The following ERCC6 variants were observed in gnomAD, a reference collection of about 807,000 sequenced individuals.
ERCC6 encodes the protein DNA excision repair protein ERCC-6.
In ERCC6, 116 loss-of-function variants were observed where a neutral mutation model predicts 158.7. The observed-to-expected ratio is 0.73, with a 90% CI of 0.63 to 0.85. ERCC6 has a LOEUF of 0.85. Among genes scored for constraint, ERCC6 ranks in the 40% least tolerant of loss-of-function variants. ERCC6 has a pLI of 0.00. For missense variants in ERCC6, 1,698 were observed against 1,799.4 expected (o/e 0.94, Z 1.02); for synonymous variants, 678 against 659.3 (o/e 1.03, Z -0.43).
the ERCC6 span, among the ~76,000 whole-genome samples, chr10:49,438,788 T>G: frequency 1.3e-5 from 2 of 152,144 alleles, no homozygotes; most frequent in Admixed American, 6.5e-5. Context: ...AGGTATTGGG[T>G]AAATACAGCC....
intron 5 of ERCC6, among the ~76,000 whole-genome samples, chr10:49,510,143 G>A (rs1851508922): frequency 6.6e-6 from 1 of 152,164 alleles, no homozygotes; most frequent in South Asian, 2.1e-4. Flanking sequence ...TCATCTGTCA[G>A]AAGCAACTCA....
At chr10:49,472,268 C>T in intron 16 of ERCC6, 108 bp downstream of exon 16, 1 of 973,446 alleles carries the variant, frequency 1.0e-6, no homozygotes, top group East Asian at 2.4e-5. Context: ...TAAGTTATAG[C>T]AACTATTATT....
downstream of ERCC6, among the ~76,000 whole-genome samples, chr10:49,450,493 A>G (rs957206231): frequency 6.6e-5 from 10 of 152,104 alleles, no homozygotes; most frequent in African/African-American, 1.9e-4. Context: ...GTCCCTTGAA[A>G]TTTCATATAA....
At chr10:49,537,653 T>A (rs1231783573) in intron 1 of ERCC6, among the ~76,000 whole-genome samples, 1 of 151,950 alleles carries the variant, frequency 6.6e-6, no homozygotes, top group African/African-American at 2.4e-5. Context: ...TCTGATAAAG[T>A]GACATCTGAT....
chr10:49,449,408 C>T (rs971250196), downstream of ERCC6, among the ~76,000 whole-genome samples: 2 of 152,040 alleles, frequency 1.3e-5, no homozygotes, highest in African/African-American at 4.8e-5. Flanking sequence ...CTTCAAAGCA[C>T]AAAAGCTTTA....
intron 8 of ERCC6, among the ~76,000 whole-genome samples, chr10:49,490,991 T>C (rs913602345): frequency 1.3e-5 from 2 of 152,198 alleles, no homozygotes; most frequent in African/African-American, 4.8e-5. Flanking sequence ...ACATAGACTC[T>C]ATTGTAATTT....
intron 18 of ERCC6, among the ~76,000 whole-genome samples, chr10:49,466,809 C>A (rs528506488): frequency 6.6e-6 from 1 of 152,140 alleles, no homozygotes; most frequent in Non-Finnish European, 1.5e-5. Context: ...TTTTTTGAGA[C>A]GGAGTCTTGC....
At chr10:49,464,742 T>G (rs1426618512) in intron 18 of ERCC6, among the ~76,000 whole-genome samples, 1 of 152,218 alleles carries the variant, frequency 6.6e-6, no homozygotes. Context: ...CTTCAGATGG[T>G]GCAAGCCCCA....
intron 18 of ERCC6, among the ~76,000 whole-genome samples, chr10:49,465,698 T>C (rs953092758): frequency 2.0e-5 from 3 of 152,200 alleles, no homozygotes; most frequent in Non-Finnish European, 4.4e-5. Flanking sequence ...TGAGATCTGA[T>C]GGTTTTAAAA....
chr10:49,447,714 AG>A, the ERCC6 span, among the ~76,000 whole-genome samples: 2 of 145,768 alleles, frequency 1.4e-5, no homozygotes, highest in African/African-American at 5.0e-5. Flanking sequence ...AAAAAAAAAA[AG>A]AAAGAAAGAA....
chr10:49,531,136 A>T (rs1837459689), intron 2 of ERCC6, among the ~76,000 whole-genome samples: 1 of 152,184 alleles, frequency 6.6e-6, no homozygotes, highest in Non-Finnish European at 1.5e-5. Context: ...TATTCAACAC[A>T]CTATGCTAGA....
intron 18 of ERCC6, among the ~76,000 whole-genome samples, chr10:49,464,181 G>A (rs1285883775): frequency 6.6e-6 from 1 of 152,208 alleles, no homozygotes; most frequent in East Asian, 1.9e-4. Flanking sequence ...GGTCTCAGAC[G>A]GAGATGAGGA....
intron 8 of ERCC6, among the ~76,000 whole-genome samples, chr10:49,485,549 G>C (rs1851062502): frequency 6.6e-6 from 1 of 152,086 alleles, no homozygotes; most frequent in African/African-American, 2.4e-5. Context: ...TTCCTGTTCA[G>C]TTTCATAAAA....
At position 49,516,659 on chromosome 10, in the gene ERCC6, G is replaced by A. The variant is rs373174504; in HGVS notation, c.1397+7374C>T. On this transcript the variant is annotated intron_variant, in intron 5 of 20. Coordinates refer to ENST00000355832, the MANE Select transcript of ERCC6 (RefSeq NM_000124.4). The stretch of plus-strand genomic sequence containing the variant: ...ACTTGACAATGAGTTCAATGACCTC[G>A]TCATCAAGAAAAAGTTCAAGAATTT... 5.0e-6 allele frequency: 8 copies of A among 1,614,106 alleles called. No homozygotes were observed. Among genetic ancestry groups the A allele is most frequent in the African/African-American group, 1.3e-5 (1 of 75,008 alleles).
intron 8 of ERCC6, among the ~76,000 whole-genome samples, chr10:49,490,506 C>CA (rs1344729124): frequency 1.3e-5 from 2 of 152,090 alleles, no homozygotes; most frequent in African/African-American, 4.8e-5. Context: ...AGGCGTGTGC[C>CA]ACCACAACCA....
chr10:49,475,957 C>T lies in ERCC6; in HGVS notation c.2382+258G>A, dbSNP rs757553499. On this transcript the variant is annotated intron_variant, in intron 12 of 20. Transcript: ENST00000355832. ...CGGAAGTAACAGTAACTGCACAGCT[C>T]GCAGCTGCATTTGCGTCTGGGTTCA... is the stretch of plus-strand genomic sequence containing the variant. Among the ~76,000 whole-genome samples, 7 of 152,290 alleles carry T rather than the reference C, an allele frequency of 4.6e-5. No individual in the cohort carries two copies. The East Asian group carries it at 1.2e-3, about 25-fold the overall frequency.
intron 7 of ERCC6, among the ~76,000 whole-genome samples, chr10:49,497,152 C>G (rs1251591801): frequency 6.6e-6 from 1 of 152,208 alleles, no homozygotes. Flanking sequence ...TGCTCCTCAC[C>G]AAGGCAGGGC....
At position 49,470,196 on chromosome 10, in the gene ERCC6, A is replaced by C. The variant is rs1464826740; in HGVS notation, c.3764T>G (p.Leu1255Arg). Residue 1255 changes from leucine (L) to arginine (R), a missense_variant, in exon 18 of 21, where the codon CTT (leucine) becomes CGT (arginine). By Grantham distance (102) the Leu-to-Arg change is moderately radical. Coordinates refer to ENST00000355832, the MANE Select transcript of ERCC6 (RefSeq NM_000124.4). ...AAATGGATTACCTGATTTTTTGAAAAGCTTTTCCAAAACATAATCGTCATT... is the reference window on the plus strand; with the variant it reads ...AAATGGATTACCTGATTTTTTGAAACGCTTTTCCAAAACATAATCGTCATT... Reference protein sequence around the residue: ...QSNDDYVLEKLFKKSVGVHSV... With the variant: ...QSNDDYVLEKRFKKSVGVHSV... 1 of 1,614,128 alleles carries C rather than the reference A, an allele frequency of 6.2e-7. No homozygotes were observed. Among genetic ancestry groups the C allele is most frequent in the Non-Finnish European group, 8.5e-7 (1 of 1,180,002 alleles).
intron 3 of ERCC6, 142 bp downstream of exon 3, chr10:49,530,577 CA>C: frequency 7.3e-7 from 1 of 1,369,158 alleles, no homozygotes; most frequent in Non-Finnish European, 9.7e-7. Flanking sequence ...ATTAAACATA[CA>C]AAAGAAACCC....
Sources: allele counts gnomAD v4.1 joint callset (sites outside exome capture counted in the v4.1 genomes callset), GRCh38; gene constraint gnomAD v4.1.1; transcripts MANE v1.5; gene names NCBI Gene and HGNC (gene_info 2026-07-23, HGNC 2026-07-21).